ANO5: variants seen among roughly 807,000 people sequenced by gnomAD.
ANO5 encodes anoctamin 5.
In ANO5, 109 loss-of-function variants were observed where a neutral mutation model predicts 121.0. The observed-to-expected ratio is 0.90, with a 90% confidence interval of 0.77 to 1.06. The LOEUF (loss-of-function observed/expected upper bound fraction) is 1.06. Among genes scored for constraint, ANO5 ranks in the 50% least tolerant of loss-of-function variants. The pLI, the probability that ANO5 is intolerant of heterozygous loss-of-function variation, is 0.00. For missense variants in ANO5, 1,064 were observed against 1,078.5 expected (o/e 0.99, Z 0.19); for synonymous variants, 406 against 359.9 (o/e 1.13, Z -1.45).
intron 9 of ANO5, among the ~76,000 whole-genome samples, chr11:22,241,242 T>C (rs1853419149): frequency 1.6e-4 from 1 of 6,220 alleles, no homozygotes; most frequent in South Asian, 4.5e-3. Context: ...AATATTTAGT[T>C]CCCACTTACA....
At chr11:22,249,932 G>A (rs150602277) in intron 9 of ANO5, among the ~76,000 whole-genome samples, 2 of 152,182 alleles carry the variant, frequency 1.3e-5, no homozygotes, top group African/African-American at 4.8e-5. Flanking sequence ...ATAATACAGA[G>A]GCTTTCCAAA....
chr11:22,237,736 G>T (rs1183348304), intron 8 of ANO5, among the ~76,000 whole-genome samples: 1 of 152,012 alleles, frequency 6.6e-6, no homozygotes, highest in East Asian at 1.9e-4. Context: ...ATTTTCAACA[G>T]GAGTGTCAAT....
chr11:22,266,017 T>G (rs753059397), intron 17 of ANO5, among the ~76,000 whole-genome samples: 6 of 152,200 alleles, frequency 3.9e-5, no homozygotes, highest in Non-Finnish European at 7.3e-5. Flanking sequence ...AGTAGTCTTT[T>G]TCGTAAATGG....
At chr11:22,193,902 A>T (rs575288181) in intron 1 of ANO5, among the ~76,000 whole-genome samples, 1 of 152,290 alleles carries the variant, frequency 6.6e-6, no homozygotes, top group Admixed American at 6.5e-5. Flanking sequence ...AATGGAAACG[A>T]AGGCTTTCCC....
At chr11:22,248,443 TTTAAA>T (rs1853694970) in intron 9 of ANO5, among the ~76,000 whole-genome samples, 1 of 152,092 alleles carries the variant, frequency 6.6e-6, no homozygotes, top group Non-Finnish European at 1.5e-5. Flanking sequence ...AACAAGATAG[TTTAAA>T]TTAAATATTA....
rs1441296026 is a variant in ANO5, at chr11:22,251,026, C to A, written c.1180+15C>A. ...GGGAATTTGGGGTGAGTAAATAGTCCCATAAAGAAACAGCTTTCTTCCTAT... is the reference window on the plus strand; with the variant it reads ...GGGAATTTGGGGTGAGTAAATAGTCACATAAAGAAACAGCTTTCTTCCTAT... On this transcript the variant is annotated intron_variant, in intron 12 of 21. Transcript: ENST00000324559. The A allele has an allele frequency of 1.2e-6, 2 of 1,601,920 alleles. No individual in the cohort carries two copies. The highest frequency in any genetic ancestry group is 1.7e-6 in the Non-Finnish European group (2 of 1,173,094).
chr11:22,223,721 G>A (rs1026196844), intron 5 of ANO5, among the ~76,000 whole-genome samples: 1 of 151,864 alleles, frequency 6.6e-6, no homozygotes, highest in Admixed American at 6.6e-5. Context: ...TTGGGATATT[G>A]CTCTGAAAAT....
At position 22,231,861 on chromosome 11, in the gene ANO5, A is replaced by C. The variant is rs780055656; in HGVS notation, c.648+4275A>C. On this transcript the variant is annotated intron_variant, in intron 7 of 21. Transcript: ENST00000324559. ...TTTCCACCTACATACCTTTCTGGACACAAGAAATTATCAGTCTTTCGTGTT... is the reference window on the plus strand; with the variant it reads ...TTTCCACCTACATACCTTTCTGGACCCAAGAAATTATCAGTCTTTCGTGTT... Among the ~76,000 whole-genome samples, 2 of 152,026 alleles carry C rather than the reference A, an allele frequency of 1.3e-5. No individual in the cohort carries two copies. The highest frequency in any genetic ancestry group is 2.9e-5 in the Non-Finnish European group (2 of 67,970).
At chr11:22,247,085 C>G (rs1005383210) in intron 9 of ANO5, among the ~76,000 whole-genome samples, 1 of 152,008 alleles carries the variant, frequency 6.6e-6, no homozygotes, top group African/African-American at 2.4e-5. Flanking sequence ...AAACAAAATA[C>G]AGAGGGAAAA....
In ANO5 at chr11:22,280,599, T is replaced by C. The variant is rs532008992; in HGVS notation, c.*834T>C. 3.9e-5 allele frequency: 6 copies of C among 151,992 alleles called. No individual in the cohort carries two copies. The highest frequency in any genetic ancestry group is 8.8e-5 in the Non-Finnish European group (6 of 67,874). The allele number at this position is 151,992 out of a possible 1,614,324, so 9.4% of individuals were successfully genotyped here. A position where few individuals can be genotyped will look rare whatever the true frequency, so the allele number is the denominator to read the frequency against. ...CAATGTATATTGATTAATTTGTTGATTTTAATTTAGAAAATTGTTAAATTA... is the reference window on the plus strand; with the variant it reads ...CAATGTATATTGATTAATTTGTTGACTTTAATTTAGAAAATTGTTAAATTA... On this transcript the variant is annotated 3_prime_UTR_variant, in exon 22 of 22. Coordinates refer to ENST00000324559, the MANE Select transcript of ANO5 (RefSeq NM_213599.3).
chr11:22,198,554 C>G lies in ANO5; in HGVS notation c.40+5022C>G, dbSNP rs1477130094. Among the ~76,000 whole-genome samples the G allele has an allele frequency of 2.6e-5, 4 of 152,068 alleles. No individual in the cohort carries two copies. The East Asian group carries it at 7.7e-4, about 29-fold the overall frequency. The stretch of plus-strand genomic sequence containing the variant: ...CAGCTTGAAAATATTTTTTCACCTA[C>G]TTGTTTTATGTTAAATGGAACAAAA... On this transcript the variant is annotated intron_variant, in intron 1 of 21. Coordinates refer to ENST00000324559, the MANE Select transcript of ANO5 (RefSeq NM_213599.3).
chr11:22,252,960 T>C (rs965173931), intron 12 of ANO5, among the ~76,000 whole-genome samples: 2 of 152,202 alleles, frequency 1.3e-5, no homozygotes, highest in African/African-American at 4.8e-5. Context: ...ATTGCAATTG[T>C]GTATAAGCCA....
Position 22,255,351 on chromosome 11 carries a change from A to G in ANO5, c.1181-20A>G. 3 of 1,539,994 alleles carry G rather than the reference A, an allele frequency of 1.9e-6. No individual in the cohort carries two copies. The highest frequency in any genetic ancestry group is 1.3e-5 in the South Asian group (1 of 78,348). ...TTAACTTTTTTAATATCTTTTTTTT[A>G]TATATTTATTTACCTATAGTCACCT... On this transcript the variant is annotated intron_variant, in intron 12 of 21. Coordinates refer to ENST00000324559, the MANE Select transcript of ANO5 (RefSeq NM_213599.3).
intron 7 of ANO5, 98 bp downstream of exon 7, chr11:22,227,684 G>T: frequency 1.4e-6 from 2 of 1,468,054 alleles, no homozygotes; most frequent in Non-Finnish European, 1.9e-6. Context: ...TTTCTGCAAG[G>T]TGCTTCTGTA....
At chr11:22,266,271 A>G (rs1854362737) in intron 17 of ANO5, among the ~76,000 whole-genome samples, 1 of 152,142 alleles carries the variant, frequency 6.6e-6, no homozygotes, top group African/African-American at 2.4e-5. Flanking sequence ...GAACTGAGTG[A>G]TCTCTTTTCC....
In ANO5 at chr11:22,253,014, G is replaced by A. The variant is rs186524314; in HGVS notation, c.1180+2003G>A. On this transcript the variant is annotated intron_variant, in intron 12 of 21. Transcript: ENST00000324559. The stretch of plus-strand genomic sequence containing the variant: ...TTGCTCCTTTAGGACAAACACCATG[G>A]CTTTCATCTCCATAGTTCCAGGGCT... 2.3e-3 allele frequency among the ~76,000 whole-genome samples: 354 copies of A among 152,052 alleles called. 1 individual carries two copies. The highest frequency in any genetic ancestry group is 8.1e-3 in the African/African-American group (336 of 41,520).
intron 1 of ANO5, among the ~76,000 whole-genome samples, chr11:22,199,926 T>C (rs1244252330): frequency 6.6e-6 from 1 of 152,156 alleles, no homozygotes; most frequent in Non-Finnish European, 1.5e-5. Flanking sequence ...TTTGAAACCA[T>C]TGAAATGAAC....
At chr11:22,231,960 T>C (rs182748659) in intron 7 of ANO5, among the ~76,000 whole-genome samples, 144 of 152,118 alleles carry the variant, frequency 9.5e-4, no homozygotes, top group African/African-American at 3.3e-3. Context: ...AACACAGCCA[T>C]GTGACCACCA....
intron 3 of ANO5, among the ~76,000 whole-genome samples, chr11:22,213,466 G>T (rs1339505229): frequency 6.6e-6 from 1 of 151,570 alleles, no homozygotes; most frequent in African/African-American, 2.4e-5. Context: ...ATTAGACTTG[G>T]ATTATATGTT....
Sources: allele counts gnomAD v4.1 joint callset (sites outside exome capture counted in the v4.1 genomes callset), GRCh38; gene constraint gnomAD v4.1.1; transcripts MANE v1.5; gene names NCBI Gene and HGNC (gene_info 2026-07-23, HGNC 2026-07-21).